RGMA: variants seen among roughly 807,000 people sequenced by gnomAD.
The protein encoded by RGMA is repulsive guidance molecule A.
RGMA carries 10 observed loss-of-function variants against 23.2 expected under a neutral mutation model. The ratio of observed to expected loss-of-function variants is 0.43; its 90% CI spans 0.27 to 0.73. The LOEUF is 0.73. Ranked by LOEUF, RGMA falls within the 30% of genes least tolerant of loss-of-function variation. The pLI, the probability that RGMA is intolerant of heterozygous loss-of-function variation, is 0.20. For synonymous variants in RGMA, 308 were observed against 279.3 expected, an observed-to-expected ratio of 1.10 and a Z score of -1.03; for missense variants, 547 against 630.5, an observed-to-expected ratio of 0.87 and a Z score of 1.42.
intron 3 of RGMA, among the ~76,000 whole-genome samples, chr15:93,047,082 G>A (rs2054835455): frequency 6.6e-6 from 1 of 152,256 alleles, no homozygotes; most frequent in Admixed American, 6.5e-5. Context: ...CACACAGCCA[G>A]CAAGAGGCAG....
chr15:93,052,002 G>GGCAGTGGCCGCTGAGCCGGGCA lies in RGMA; in HGVS notation c.614_635dup (p.Thr213AlafsTer30). 1 of 1,602,430 alleles carries GGCAGTGGCCGCTGAGCCGGGCA rather than the reference G, an allele frequency of 6.2e-7. No homozygotes were observed. Among genetic ancestry groups the GGCAGTGGCCGCTGAGCCGGGCA allele is most frequent in the Non-Finnish European group, 8.5e-7 (1 of 1,175,780 alleles). ...GCCCCCTCCCCCTTACCTTGCTGGT[G>GGCAGTGGCCGCTGAGCCGGGCA]GCAGTGGCCGCTGAGCCGGGCAGCA... On this transcript the variant is annotated frameshift_variant, in exon 3 of 4. Coordinates refer to ENST00000329082, the MANE Select transcript of RGMA (RefSeq NM_020211.3). LOFTEE classifies it high-confidence loss of function.
intron 1 of RGMA, among the ~76,000 whole-genome samples, chr15:93,079,045 C>T (rs1354071506): frequency 1.3e-5 from 2 of 152,244 alleles, no homozygotes; most frequent in African/African-American, 2.4e-5. Flanking sequence ...ATTTGTTTGC[C>T]ATCTCTGCAT....
At position 93,041,703 on chromosome 15, in the gene RGMA, G is replaced by C. The variant is rs949128435; in HGVS notation, c.*3295C>G. 1.3e-5 allele frequency: 2 copies of C among 152,190 alleles called. No homozygotes were observed. Among genetic ancestry groups the C allele is most frequent in the African/African-American group, 4.8e-5 (2 of 41,422 alleles). 9.4% of individuals were successfully genotyped at this position (152,190 alleles called of 1,614,324 possible). On this transcript the variant is annotated 3_prime_UTR_variant, in exon 4 of 4. Transcript: ENST00000329082. ...CCGCTCCTCCTTGCTGCCTCCCTGA[G>C]TCGCTCTGTCCCTGGGACTGCTAAG...
chr15:93,072,286 T>C (rs747574739), intron 2 of RGMA, among the ~76,000 whole-genome samples: 8 of 152,214 alleles, frequency 5.3e-5, no homozygotes, highest in Admixed American at 1.3e-4. Flanking sequence ...TGGAAACAGA[T>C]GGGCTTTTTC....
In RGMA at chr15:93,036,002, A is replaced by C. The variant is rs2054656494; in HGVS notation, c.*8996T>G. 1 of 152,176 alleles carries C rather than the reference A, an allele frequency of 6.6e-6. No individual in the cohort carries two copies. Among genetic ancestry groups the C allele is most frequent in the Non-Finnish European group, 1.5e-5 (1 of 68,042 alleles). 9.4% of individuals were successfully genotyped at this position (152,176 alleles called of 1,614,324 possible). ...TCTGCCACCCGCATCCCCTTCCCTG[A>C]TGGGCTGGTCACCGTGAAGGGCCCC... On this transcript the variant is annotated 3_prime_UTR_variant, in exon 4 of 4. Transcript: ENST00000329082.
chr15:93,067,951 G>A (rs1446818380), intron 2 of RGMA, among the ~76,000 whole-genome samples: 4 of 152,148 alleles, frequency 2.6e-5, no homozygotes, highest in Non-Finnish European at 5.9e-5. Flanking sequence ...GGAGGAGGAA[G>A]GACCCATGGC....
chr15:93,080,302 G>A (rs1052587579), intron 1 of RGMA, among the ~76,000 whole-genome samples: 2 of 151,986 alleles, frequency 1.3e-5, no homozygotes, highest in African/African-American at 4.8e-5. Flanking sequence ...GGGTTCAAGC[G>A]ATCCTTCCTC....
chr15:93,079,215 T>C (rs1895519753), intron 1 of RGMA, among the ~76,000 whole-genome samples: 1 of 152,270 alleles, frequency 6.6e-6, no homozygotes, highest in Admixed American at 6.5e-5. Context: ...CTATTTTTTA[T>C]TTCTTGTCTC....
intron 2 of RGMA, among the ~76,000 whole-genome samples, chr15:93,054,304 C>T (rs966471860): frequency 6.6e-6 from 1 of 151,358 alleles, no homozygotes; most frequent in Non-Finnish European, 1.5e-5. Flanking sequence ...AAGAAGTATA[C>T]TCACTTAAAG....
intron 2 of RGMA, among the ~76,000 whole-genome samples, chr15:93,062,489 G>A (rs190923982): frequency 2.8e-4 from 42 of 152,324 alleles, no homozygotes; most frequent in African/African-American, 5.1e-4. Context: ...GGCAGGAGGC[G>A]ACATGCTGGC....
chr15:93,084,294 T>G (rs1337359531), intron 1 of RGMA, among the ~76,000 whole-genome samples: 1 of 152,136 alleles, frequency 6.6e-6, no homozygotes, highest in East Asian at 1.9e-4. Flanking sequence ...CCAGGAGACG[T>G]TTTTGAGCAA....
intron 2 of RGMA, among the ~76,000 whole-genome samples, chr15:93,058,785 T>C (rs2055054407): frequency 6.6e-6 from 1 of 150,512 alleles, no homozygotes; most frequent in Non-Finnish European, 1.5e-5. Context: ...ACACGCTCCA[T>C]ACCGGGCAAC....
chr15:93,051,928 C>A, intron 3 of RGMA, 65 bp downstream of exon 3: 1 of 1,484,988 alleles, frequency 6.7e-7, no homozygotes, highest in Non-Finnish European at 9.0e-7. Context: ...CTCAGCCTCT[C>A]AGTGTCCACG....
At chr15:93,076,466 C>T (rs896407555) in intron 1 of RGMA, among the ~76,000 whole-genome samples, 10 of 152,054 alleles carry the variant, frequency 6.6e-5, no homozygotes, top group Admixed American at 6.6e-4. Context: ...ATATTCAGGA[C>T]CTGCTGCAGG....
intron 2 of RGMA, among the ~76,000 whole-genome samples, chr15:93,059,635 G>A (rs979700950): frequency 6.6e-6 from 1 of 152,146 alleles, no homozygotes; most frequent in Non-Finnish European, 1.5e-5. Flanking sequence ...CGAGGGGCTG[G>A]GCAGTCCCCA....
chr15:93,079,479 C>CA lies in RGMA; in HGVS notation c.15-6449dup, dbSNP rs543707461. Among the ~76,000 whole-genome samples the CA allele has an allele frequency of 2.5e-3, 377 of 152,278 alleles. 3 individuals carry two copies. Among genetic ancestry groups the CA allele is most frequent in the African/African-American group, 8.6e-3 (359 of 41,546 alleles). ...AGTTAAGACTTTATAAAGTGTGCTT[C>CA]ATAATAATACTTTTTTAGTATATAT... On this transcript the variant is annotated intron_variant, in intron 1 of 3. Coordinates refer to ENST00000329082, the MANE Select transcript of RGMA (RefSeq NM_020211.3).
Position 93,041,469 on chromosome 15 carries a change from G to A in RGMA, c.*3529C>T, listed in dbSNP as rs966976121. 2 of 152,222 alleles carry A rather than the reference G, an allele frequency of 1.3e-5. No homozygotes were observed. Among genetic ancestry groups the A allele is most frequent in the Non-Finnish European group, 2.9e-5 (2 of 68,042 alleles). 9.4% of individuals were successfully genotyped at this position (152,222 alleles called of 1,614,324 possible). On this transcript the variant is annotated 3_prime_UTR_variant, in exon 4 of 4. Coordinates refer to ENST00000329082, the MANE Select transcript of RGMA (RefSeq NM_020211.3). ...TTCACGACGGCATTTCCATGCTCGT[G>A]AGGGCAACCAGTAGTAAGTAGCATG...
At chr15:93,079,480 A>G (rs986465252) in intron 1 of RGMA, among the ~76,000 whole-genome samples, 26 of 151,442 alleles carry the variant, frequency 1.7e-4, no homozygotes, top group African/African-American at 5.9e-4. Context: ...AGTGTGCTTC[A>G]TAATAATACT....
chr15:93,073,125 C>T (rs1895392151), intron 1 of RGMA, 94 bp from the exon 2 acceptor site: 9 of 1,298,826 alleles, frequency 6.9e-6, no homozygotes, highest in Non-Finnish European at 8.8e-6. Context: ...AGCCGGGAGG[C>T]TCCGTCCACC....
Sources: allele counts gnomAD v4.1 joint callset (sites outside exome capture counted in the v4.1 genomes callset), GRCh38; gene constraint gnomAD v4.1.1; transcripts MANE v1.5; gene names NCBI Gene and HGNC (gene_info 2026-07-23, HGNC 2026-07-21).